MCUB: variants seen among roughly 807,000 people sequenced by gnomAD.
MCUB encodes the protein calcium uniporter regulatory subunit MCUb, mitochondrial.
MCUB carries 46 observed loss-of-function variants against 41.4 expected under a neutral mutation model. That is an observed-to-expected ratio of 1.11 (90% confidence interval 0.88 to 1.42). MCUB has a LOEUF of 1.42. Ranked by LOEUF, MCUB falls within the 40% of genes most tolerant of loss-of-function variation. The pLI is 0.00. For synonymous variants in MCUB, 148 were observed against 148.2 expected (o/e 1.00, Z 0.01); for missense variants, 403 against 404.9 (o/e 1.00, Z 0.04).
At position 109,688,197 on chromosome 4, in the gene MCUB, A is replaced by G. The variant is rs904785728; in HGVS notation, c.*605A>G. ...GCAAATCACAAGTTTCAGGTATCGA[A>G]GCCAAAACAGTTAACTTTCTTCAGC... On this transcript the variant is annotated 3_prime_UTR_variant, in exon 8 of 8. Coordinates refer to ENST00000394650, the MANE Select transcript of MCUB (RefSeq NM_017918.5). 2.0e-5 allele frequency: 3 copies of G among 152,284 alleles called. No individual in the cohort carries two copies. The highest frequency in any genetic ancestry group is 2.9e-5 in the Non-Finnish European group (2 of 68,080). The allele number at this position is 152,284 out of a possible 1,614,324, so 9.4% of individuals were successfully genotyped here. A position where few individuals can be genotyped will look rare whatever the true frequency, so the allele number is the denominator to read the frequency against.
At position 109,620,500 on chromosome 4, in the gene MCUB, A is replaced by G. The variant is rs1225430715; in HGVS notation, c.100-38511A>G. Among the ~76,000 whole-genome samples, 4 of 149,740 alleles carry G rather than the reference A, an allele frequency of 2.7e-5. 1 individual carries two copies. The highest frequency in any genetic ancestry group is 1.4e-4 in the Admixed American group (2 of 14,752). ...AGCCATTTATGAAGAAACTTCAAGTAACATACTAGATATAACAGGAGAAGG... is the reference window on the plus strand; with the variant it reads ...AGCCATTTATGAAGAAACTTCAAGTGACATACTAGATATAACAGGAGAAGG... On this transcript the variant is annotated intron_variant, in intron 1 of 7. Coordinates refer to ENST00000394650, the MANE Select transcript of MCUB (RefSeq NM_017918.5).
At chr4:109,632,649 TC>T (rs1265679491) in intron 1 of MCUB, among the ~76,000 whole-genome samples, 5 of 140,504 alleles carry the variant, frequency 3.6e-5, no homozygotes, top group South Asian at 4.6e-4. Flanking sequence ...GGAGTCTCAC[TC>T]TGTTGCCCAG....
At chr4:109,628,523 A>T (rs552941295) in intron 1 of MCUB, among the ~76,000 whole-genome samples, 8 of 152,310 alleles carry the variant, frequency 5.3e-5, no homozygotes, top group South Asian at 2.1e-4. Flanking sequence ...TCAGGGAAAG[A>T]TGGTGATGGC....
intron 1 of MCUB, among the ~76,000 whole-genome samples, chr4:109,639,633 G>A (rs1453298014): frequency 6.6e-6 from 1 of 152,170 alleles, no homozygotes; most frequent in African/African-American, 2.4e-5. Context: ...CTTGCAGGGA[G>A]CCGAGATCAT....
intron 1 of MCUB, among the ~76,000 whole-genome samples, chr4:109,607,654 T>A (rs1315165986): frequency 6.6e-6 from 1 of 152,260 alleles, no homozygotes. Flanking sequence ...TTTCACTGGA[T>A]ATGCTATTCT....
chr4:109,635,980 A>T (rs1452599781), intron 1 of MCUB, among the ~76,000 whole-genome samples: 7 of 152,210 alleles, frequency 4.6e-5, no homozygotes, highest in Admixed American at 4.6e-4. Flanking sequence ...GTCATTAGGT[A>T]TATGTGTATT....
At chr4:109,621,246 T>C (rs1728245647) in intron 1 of MCUB, among the ~76,000 whole-genome samples, 1 of 152,122 alleles carries the variant, frequency 6.6e-6, no homozygotes, top group African/African-American at 2.4e-5. Context: ...ACCAGTTTGA[T>C]TGAATTTCTT....
rs1002540001 is a variant in MCUB at position 109,688,668 on chromosome 4, G to A, written c.*1076G>A. On this transcript the variant is annotated 3_prime_UTR_variant, in exon 8 of 8. Transcript: ENST00000394650. The stretch of plus-strand genomic sequence containing the variant: ...TTATTAAGGGATGATTTAATTCCTG[G>A]ATTTCAAAAACCTTTAAAAACATCA... 1 of 152,038 alleles carries A rather than the reference G, an allele frequency of 6.6e-6. No individual in the cohort carries two copies. Among genetic ancestry groups the A allele is most frequent in the African/African-American group, 2.4e-5 (1 of 41,404 alleles). The allele number at this position is 152,038 out of a possible 1,614,324, so 9.4% of individuals were successfully genotyped here. A position where few individuals can be genotyped will look rare whatever the true frequency, so the allele number is the denominator to read the frequency against.
intron 3 of MCUB, among the ~76,000 whole-genome samples, chr4:109,662,176 C>T (rs1729245223): frequency 6.6e-6 from 1 of 152,236 alleles, no homozygotes; most frequent in African/African-American, 2.4e-5. Flanking sequence ...ACGTTTCTTC[C>T]TGCTAAAACC....
intron 6 of MCUB, 105 bp downstream of exon 6, chr4:109,684,751 C>A: frequency 1.6e-6 from 1 of 632,352 alleles, no homozygotes. Context: ...TTACTGCCAT[C>A]TGGTTTTTAT....
chr4:109,570,403 C>T (rs1332721920), intron 1 of MCUB, among the ~76,000 whole-genome samples: 1 of 152,192 alleles, frequency 6.6e-6, no homozygotes, highest in Non-Finnish European at 1.5e-5. Context: ...CTGTCATTGT[C>T]TTTATGAGAA....
intron 6 of MCUB, 70 bp downstream of exon 6, chr4:109,684,716 C>A (rs1303946475): frequency 1.4e-6 from 1 of 737,534 alleles, no homozygotes; most frequent in Non-Finnish European, 2.3e-6. Context: ...AAGCAATGAG[C>A]AAAAAAGCCT....
chr4:109,582,749 G>A (rs1401520736), intron 1 of MCUB, among the ~76,000 whole-genome samples: 1 of 152,112 alleles, frequency 6.6e-6, no homozygotes, highest in Non-Finnish European at 1.5e-5. Flanking sequence ...TTTTATGTAA[G>A]GTGTAAGGAA....
At chr4:109,575,257 C>G (rs1416841015) in intron 1 of MCUB, among the ~76,000 whole-genome samples, 1 of 152,186 alleles carries the variant, frequency 6.6e-6, no homozygotes, top group Non-Finnish European at 1.5e-5. Context: ...CATCTGCCTT[C>G]CCCACCAAGG....
chr4:109,594,194 T>C (rs550057735), intron 1 of MCUB, among the ~76,000 whole-genome samples: 10 of 152,388 alleles, frequency 6.6e-5, no homozygotes, highest in Admixed American at 3.9e-4. Context: ...GTATTTAGCA[T>C]GGAATACAGT....
chr4:109,620,944 G>C (rs1728239573), intron 1 of MCUB, among the ~76,000 whole-genome samples: 1 of 151,626 alleles, frequency 6.6e-6, no homozygotes, highest in Non-Finnish European at 1.5e-5. Context: ...TGTCACCCAG[G>C]CTGGAGTGCA....
At chr4:109,563,751 C>T (rs1726695578) in intron 1 of MCUB, among the ~76,000 whole-genome samples, 2 of 152,076 alleles carry the variant, frequency 1.3e-5, no homozygotes, top group Admixed American at 1.3e-4. Context: ...TGTGTCTTGG[C>T]AGAAAGATAT....
At chr4:109,636,147 G>A (rs1728584483) in intron 1 of MCUB, among the ~76,000 whole-genome samples, 2 of 152,152 alleles carry the variant, frequency 1.3e-5, no homozygotes, top group Non-Finnish European at 2.9e-5. Flanking sequence ...ACAATGAGGG[G>A]ATTAAGGGTC....
At chr4:109,641,086 C>T (rs1321413103) in intron 1 of MCUB, among the ~76,000 whole-genome samples, 2 of 151,780 alleles carry the variant, frequency 1.3e-5, no homozygotes, top group African/African-American at 4.8e-5. Flanking sequence ...GAAAGGTTGG[C>T]AGAGCAGTCA....
Sources: gnomAD v4.1 joint callset for allele counts (sites outside exome capture counted in the v4.1 genomes callset) on GRCh38, gnomAD v4.1.1 for gene constraint, MANE v1.5 for transcripts, NCBI Gene and HGNC (gene_info 2026-07-23, HGNC 2026-07-21) for gene names.